SH3BP5: variants seen among roughly 807,000 people sequenced by gnomAD.
SH3BP5 encodes the protein SH3 domain-binding protein 5.
A neutral mutation model predicts 43.3 loss-of-function variants in SH3BP5; 22 were observed. The ratio of observed to expected loss-of-function variants is 0.51; its 90% CI spans 0.36 to 0.73. The LOEUF is 0.73. Ranked by LOEUF, SH3BP5 falls within the 30% of genes least tolerant of loss-of-function variation. The probability of loss-of-function intolerance (pLI) is 0.00; values close to 1 mark genes in which losing one functional copy is unlikely to be tolerated. For missense variants in SH3BP5, 529 were observed against 586.9 expected (o/e 0.90, Z 1.02); for synonymous variants, 255 against 225.8 (o/e 1.13, Z -1.16).
chr3:15,276,595 C>T (rs899670099), intron 3 of SH3BP5, among the ~76,000 whole-genome samples: 2 of 152,150 alleles, frequency 1.3e-5, no homozygotes, highest in Non-Finnish European at 2.9e-5. Flanking sequence ...CCTGCGGCTC[C>T]CGTCCTGAAG....
chr3:15,331,412 A>G (rs1296938778), intron 1 of SH3BP5, among the ~76,000 whole-genome samples: 1 of 152,080 alleles, frequency 6.6e-6, no homozygotes, highest in Non-Finnish European at 1.5e-5. Context: ...CATGCTTAAA[A>G]GCAATTTTTT....
At chr3:15,309,330 T>TTTGGG (rs1697991414) in intron 2 of SH3BP5, among the ~76,000 whole-genome samples, 2 of 152,180 alleles carry the variant, frequency 1.3e-5, no homozygotes, top group South Asian at 4.1e-4. Context: ...TTTTTGGGTT[T>TTTGGG]TTGTTTTCAC....
intron 4 of SH3BP5, among the ~76,000 whole-genome samples, chr3:15,267,466 G>T (rs1184522675): frequency 1.3e-5 from 2 of 152,176 alleles, no homozygotes; most frequent in East Asian, 3.8e-4. Context: ...GAAGGGATCT[G>T]GGAAGAGGAA....
At chr3:15,338,653 G>T (rs1698729523) in intron 1 of SH3BP5, among the ~76,000 whole-genome samples, 1 of 152,106 alleles carries the variant, frequency 6.6e-6, no homozygotes, top group African/African-American at 2.4e-5. Flanking sequence ...GCAGTGTGGG[G>T]TGGGGAGGGA....
At chr3:15,284,950 C>T (rs888241821) in intron 3 of SH3BP5, among the ~76,000 whole-genome samples, 4 of 152,146 alleles carry the variant, frequency 2.6e-5, no homozygotes, top group South Asian at 2.1e-4. Context: ...AGTTAAGATG[C>T]TACAGCAAAA....
intron 3 of SH3BP5, 136 bp from the exon 4 acceptor site, chr3:15,270,013 G>A (rs575330905): frequency 1.4e-6 from 1 of 705,850 alleles, no homozygotes; most frequent in African/African-American, 1.8e-5. Flanking sequence ...GCACCCACAG[G>A]TCCTCATAGA....
Position 15,337,914 on chromosome 3 carries a change from C to CAAAAA in SH3BP5, c.-402+3304_-402+3308dup, listed in dbSNP as rs5846867. On this transcript the variant is annotated intron_variant, in intron 1 of 8. Transcript: ENST00000408919. ...TGGGTGACAGAGTGAGACCCTGACT[C>CAAAAA]AAAAAAAAAAAAAAAAAAAAAAAGT... Among the ~76,000 whole-genome samples the CAAAAA allele has an allele frequency of 6.3e-5, 4 of 63,280 alleles. 1 individual carries two copies. Among genetic ancestry groups the CAAAAA allele is most frequent in the Admixed American group, 2.0e-4 (1 of 5,054 alleles). 41.5% of individuals were successfully genotyped at this position (63,280 alleles called of 152,430 possible).
At chr3:15,318,344 G>C in intron 2 of SH3BP5, among the ~76,000 whole-genome samples, 1 of 151,976 alleles carries the variant, frequency 6.6e-6, no homozygotes, top group East Asian at 1.9e-4. Flanking sequence ...TAACAGCCCT[G>C]GTAAGACAGG....
upstream of SH3BP5, among the ~76,000 whole-genome samples, chr3:15,334,454 G>T (rs1264857248): frequency 1.3e-5 from 2 of 152,126 alleles, no homozygotes; most frequent in Non-Finnish European, 2.9e-5. Flanking sequence ...ATGGCCAGGA[G>T]TGGTGGCTAA....
At chr3:15,307,884 C>T (rs897681732) in intron 2 of SH3BP5, among the ~76,000 whole-genome samples, 1 of 152,238 alleles carries the variant, frequency 6.6e-6, no homozygotes, top group African/African-American at 2.4e-5. Flanking sequence ...TCACATCAAC[C>T]CCCAGGCCTA....
At chr3:15,287,306 A>T (rs1215983565) in intron 3 of SH3BP5, among the ~76,000 whole-genome samples, 1 of 152,224 alleles carries the variant, frequency 6.6e-6, no homozygotes, top group Non-Finnish European at 1.5e-5. Flanking sequence ...TAATTTATGC[A>T]CCCATGCACA....
At chr3:15,339,276 C>T (rs1032017558) in intron 1 of SH3BP5, among the ~76,000 whole-genome samples, 2 of 152,052 alleles carry the variant, frequency 1.3e-5, no homozygotes, top group Non-Finnish European at 2.9e-5. Flanking sequence ...TTGAATTAAA[C>T]TTGTCTCTTG....
Position 15,255,282 on chromosome 3 carries a change from TAATA to T in SH3BP5, c.*800_*803del, listed in dbSNP as rs1336804608. 1.3e-5 allele frequency: 2 copies of T among 152,652 alleles called. No homozygotes were observed. Among genetic ancestry groups the T allele is most frequent in the Non-Finnish European group, 2.9e-5 (2 of 68,054 alleles). 9.5% of individuals were successfully genotyped at this position (152,652 alleles called of 1,614,324 possible). A position where few individuals can be genotyped will look rare whatever the true frequency, so the allele number is the denominator to read the frequency against. ...CAGAGAAATTAACATCTTGTCAATC[TAATA>T]ACAGTGGCAACCATTCTTCACATGC... is the stretch of plus-strand genomic sequence containing the variant. On this transcript the variant is annotated 3_prime_UTR_variant, in exon 9 of 9. Transcript: ENST00000383791.
chr3:15,280,088 G>A (rs1559436682), intron 3 of SH3BP5, among the ~76,000 whole-genome samples: 1 of 152,058 alleles, frequency 6.6e-6, no homozygotes, highest in Non-Finnish European at 1.5e-5. Context: ...TCTATGACCT[G>A]TCCCCACACT....
chr3:15,306,446 C>T lies in SH3BP5; in HGVS notation c.202-2215G>A, dbSNP rs568232426. Among the ~76,000 whole-genome samples the T allele has an allele frequency of 4.6e-5, 7 of 151,878 alleles. No homozygotes were observed. The South Asian group carries it at 1.0e-3, about 23-fold the overall frequency. ...TCGCTTAAGCCCAGAAGGTTGAGGCCGCAGTGAGCCAAGATCACACCACTG... is the reference window on the plus strand; with the variant it reads ...TCGCTTAAGCCCAGAAGGTTGAGGCTGCAGTGAGCCAAGATCACACCACTG... On this transcript the variant is annotated intron_variant, in intron 2 of 8. Transcript: ENST00000383791.
intron 3 of SH3BP5, among the ~76,000 whole-genome samples, chr3:15,284,010 C>T (rs912114972): frequency 1.3e-5 from 2 of 152,200 alleles, no homozygotes; most frequent in African/African-American, 4.8e-5. Context: ...GAGACTGGGA[C>T]TCATACCCAG....
chr3:15,331,203 C>T (rs1411252503), intron 1 of SH3BP5, among the ~76,000 whole-genome samples: 4 of 152,174 alleles, frequency 2.6e-5, no homozygotes, highest in Non-Finnish European at 4.4e-5. Flanking sequence ...TAACATAATC[C>T]CATACCAGTA....
intron 2 of SH3BP5, among the ~76,000 whole-genome samples, chr3:15,320,960 A>G (rs947538817): frequency 1.3e-5 from 2 of 152,190 alleles, no homozygotes; most frequent in East Asian, 1.9e-4. Context: ...AAGAGTTTGT[A>G]TATTATCTTG....
intron 4 of SH3BP5, among the ~76,000 whole-genome samples, chr3:15,265,512 TCA>T (rs368955496): frequency 0.053 from 5,701 of 107,830 alleles, 163 homozygotes; most frequent in South Asian, 0.07. Flanking sequence ...CGAGACTCCG[TCA>T]CACACACACA....
Sources: allele counts gnomAD v4.1 joint callset (sites outside exome capture counted in the v4.1 genomes callset), GRCh38; gene constraint gnomAD v4.1.1; transcripts MANE v1.5; gene names NCBI Gene and HGNC (gene_info 2026-07-23, HGNC 2026-07-21).